The following CLOCK variants were observed in gnomAD, a reference collection of about 807,000 sequenced individuals.
The protein encoded by CLOCK is circadian locomoter output cycles protein kaput.
Under a neutral mutation model 118.4 loss-of-function variants are expected in CLOCK, and 43 were observed. That is an observed-to-expected ratio of 0.36 (90% CI 0.28 to 0.47). The LOEUF (loss-of-function observed/expected upper bound fraction) is 0.47. CLOCK is among the 20% of genes least tolerant of loss of function. CLOCK has a pLI of 1.00. For missense variants in CLOCK, 846 were observed against 999.9 expected (o/e 0.85, Z 2.08); for synonymous variants, 326 against 339.2 (o/e 0.96, Z 0.43).
intron 6 of CLOCK, among the ~76,000 whole-genome samples, chr4:55,477,541 T>C (rs886959311): frequency 6.6e-6 from 1 of 151,882 alleles, no homozygotes; most frequent in Non-Finnish European, 1.5e-5. Context: ...GGTATAAAAA[T>C]GAAAAAAGGC....
At chr4:55,494,063 C>T (rs190165042) in intron 2 of CLOCK, among the ~76,000 whole-genome samples, 8 of 152,314 alleles carry the variant, frequency 5.3e-5, no homozygotes, top group African/African-American at 1.9e-4. Context: ...ATCTTGCCCA[C>T]AGAGTATAGG....
At chr4:55,478,140 G>GT (rs11442786) in intron 6 of CLOCK, among the ~76,000 whole-genome samples, 51,243 of 151,390 alleles carry the variant, frequency 0.34, 9,351 homozygotes, top group East Asian at 0.58. Context: ...CCTTTTACAG[G>GT]TTTTTTTTAA....
At chr4:55,483,474 T>C (rs1191640065) in intron 3 of CLOCK, among the ~76,000 whole-genome samples, 1 of 152,204 alleles carries the variant, frequency 6.6e-6, no homozygotes, top group Non-Finnish European at 1.5e-5. Context: ...ATCACCATCC[T>C]CTGAGAGCTT....
chr4:55,448,594 A>C (rs4864991), intron 18 of CLOCK, among the ~76,000 whole-genome samples, 185 bp downstream of exon 18: 1 of 81,342 alleles, frequency 1.2e-5, no homozygotes, highest in African/African-American at 4.5e-5. Context: ...GCGCGCGCGC[A>C]CGCGCGCGTG....
chr4:55,463,729 G>A lies in CLOCK; in HGVS notation c.515C>T (p.Thr172Ile), dbSNP rs1725531499. 6.2e-7 allele frequency: 1 copy of A among 1,612,732 alleles called. No homozygotes were observed. Among genetic ancestry groups the A allele is most frequent in the Non-Finnish European group, 8.5e-7 (1 of 1,179,056 alleles). The change falls in exon 9 of 23, where the codon ACT (threonine) becomes ATT (isoleucine). Residue 172 changes from threonine (T) to isoleucine (I), a missense_variant. Around this residue, in one of 4 missense-constraint regions of CLOCK, gnomAD observed 246 missense variants for 300.2 expected, o/e 0.82. Coordinates refer to ENST00000513440, the MANE Select transcript of CLOCK (RefSeq NM_004898.4). Reference sequence around the variant, plus strand: ...TAATGAATCACTTTCCAGCAGATGAGTAGAGAGTATTTTATAAACCTCTGA... The same window carrying A: ...TAATGAATCACTTTCCAGCAGATGAATAGAGAGTATTTTATAAACCTCTGA... ...EHSEVYKILSTHLLESDSLTP... is the reference protein window; with the variant it reads ...EHSEVYKILSIHLLESDSLTP...
At chr4:55,490,661 G>T (rs936762399) in intron 2 of CLOCK, among the ~76,000 whole-genome samples, 2 of 152,084 alleles carry the variant, frequency 1.3e-5, no homozygotes, top group Non-Finnish European at 2.9e-5. Context: ...ATCATCTCTA[G>T]ATTACTTATA....
At chr4:55,502,726 G>C (rs1195725672) in intron 2 of CLOCK, among the ~76,000 whole-genome samples, 1 of 152,104 alleles carries the variant, frequency 6.6e-6, no homozygotes, top group Non-Finnish European at 1.5e-5. Flanking sequence ...TACACTACTA[G>C]AGTGAAGAAG....
Position 55,453,694 on chromosome 4 carries a change from A to T in CLOCK, c.1113T>A (p.Cys371Ter). 1 of 1,610,728 alleles carries T rather than the reference A, an allele frequency of 6.2e-7. No individual in the cohort carries two copies. Among genetic ancestry groups the T allele is most frequent in the Non-Finnish European group, 8.5e-7 (1 of 1,177,618 alleles). ...QWNSRPEFIV[C>*]THTVVSYAEV... ...ATTATTACCTTACTACAGTGTGAGT[A>T]CAAACAATAAACTCTGGCCTTGAAT... is the stretch of plus-strand genomic sequence containing the variant. The change falls in exon 14 of 23, where the codon TGT becomes TGA. Residue 371 changes from cysteine to a stop codon, truncating the protein, a stop_gained. Transcript: ENST00000513440. LOFTEE classifies it high-confidence loss of function.
At chr4:55,453,179 A>C in intron 14 of CLOCK, 50 bp from the exon 15 acceptor site, 1 of 1,398,300 alleles carries the variant, frequency 7.2e-7, no homozygotes, top group South Asian at 1.2e-5. Flanking sequence ...ATTCGTTTAA[A>C]ATACTGCACA....
Position 55,475,376 on chromosome 4 carries a change from A to T in CLOCK, c.348+587T>A, listed in dbSNP as rs368826820. The stretch of plus-strand genomic sequence containing the variant: ...TTGAGATCGACTCTACTCCTGAAGA[A>T]GATGTGAATACTGTTGACATGACAG... On this transcript the variant is annotated intron_variant, in intron 7 of 22. Coordinates refer to ENST00000513440, the MANE Select transcript of CLOCK (RefSeq NM_004898.4). Among the ~76,000 whole-genome samples, 66 of 152,336 alleles carry T rather than the reference A, an allele frequency of 4.3e-4. 1 individual carries two copies. In the South Asian group the frequency reaches 0.012, roughly 27 times the overall value.
At chr4:55,474,088 A>G (rs2109870081) in intron 7 of CLOCK, among the ~76,000 whole-genome samples, 1 of 152,354 alleles carries the variant, frequency 6.6e-6, no homozygotes, top group East Asian at 1.9e-4. Flanking sequence ...TCGAAAACTG[A>G]GACAGGCCAA....
Position 55,445,582 on chromosome 4 carries a change from CTTTTTT to C in CLOCK, c.1540-803_1540-798del, listed in dbSNP as rs56157186. On this transcript the variant is annotated intron_variant, in intron 18 of 22. Coordinates refer to ENST00000513440, the MANE Select transcript of CLOCK (RefSeq NM_004898.4). ...TCTCTGCATCTGCTATTTCTATATT[CTTTTTT>C]TTTTTTTTTTTTTTTTTTTTGAGAC... Among the ~76,000 whole-genome samples, 28 of 68,592 alleles carry C rather than the reference CTTTTTT, an allele frequency of 4.1e-4. No homozygotes were observed. In the South Asian group the frequency reaches 5.6e-3, roughly 14 times the overall value. The allele number at this position is 68,592 out of a possible 152,430, so 45.0% of individuals were successfully genotyped here. A position where few individuals can be genotyped will look rare whatever the true frequency, so the allele number is the denominator to read the frequency against.
intron 1 of CLOCK, among the ~76,000 whole-genome samples, chr4:55,525,824 A>G (rs1730145088): frequency 6.6e-6 from 1 of 151,884 alleles, no homozygotes; most frequent in Non-Finnish European, 1.5e-5. Context: ...AAGGCCTTTA[A>G]GAAAAAATGA....
chr4:55,471,990 G>A (rs1726173849), intron 7 of CLOCK, among the ~76,000 whole-genome samples: 1 of 152,080 alleles, frequency 6.6e-6, no homozygotes. Context: ...GAGATCACTT[G>A]AGCCCAGGAA....
intron 2 of CLOCK, among the ~76,000 whole-genome samples, chr4:55,507,998 T>A (rs1164834692): frequency 6.6e-6 from 1 of 152,126 alleles, no homozygotes; most frequent in African/African-American, 2.4e-5. Flanking sequence ...GAGTGGTAAA[T>A]GTGCCCCGAG....
At chr4:55,525,643 T>C (rs11722277) in intron 1 of CLOCK, among the ~76,000 whole-genome samples, 5,123 of 152,254 alleles carry the variant, frequency 0.034, 102 homozygotes, top group Non-Finnish European at 0.054. Flanking sequence ...TAATTTTTTG[T>C]ATTTTTAGTA....
At chr4:55,483,093 T>A (rs1054802088) in intron 3 of CLOCK, among the ~76,000 whole-genome samples, 4 of 152,180 alleles carry the variant, frequency 2.6e-5, no homozygotes, top group Admixed American at 2.0e-4. Flanking sequence ...AAAATGGACA[T>A]TCTCAATATT....
chr4:55,450,361 T>TA lies in CLOCK; in HGVS notation c.1207-130dup, dbSNP rs373182730. On this transcript the variant is annotated intron_variant, in intron 15 of 22. Coordinates refer to ENST00000513440, the MANE Select transcript of CLOCK (RefSeq NM_004898.4). ...CAAGGCAAAAGTACCTGTATGTACATACACATGTAAAGAAATGAAAATTTA... is the reference window on the plus strand; with the variant it reads ...CAAGGCAAAAGTACCTGTATGTACATAACACATGTAAAGAAATGAAAATTTA... 24 of 989,690 alleles carry TA rather than the reference T, an allele frequency of 2.4e-5. No individual in the cohort carries two copies. In the African/African-American group the frequency reaches 3.4e-4, roughly 14 times the overall value. The allele number at this position is 989,690 out of a possible 1,614,324, so 61.3% of individuals were successfully genotyped here.
In CLOCK at chr4:55,459,455, A is replaced by G. The variant is rs77265584; in HGVS notation, c.560-194T>C. ...ATCTCACTTTGTCTTTAATAGAAAA[A>G]ATAGATTTTCTGGTGCAAACAACTT... On this transcript the variant is annotated intron_variant, in intron 9 of 22. Transcript: ENST00000513440. Among the ~76,000 whole-genome samples, 225 of 152,308 alleles carry G rather than the reference A, an allele frequency of 1.5e-3. 3 individuals are homozygous for G. In the East Asian group the frequency reaches 0.04, roughly 27 times the overall value.
Sources: allele counts gnomAD v4.1 joint callset (sites outside exome capture counted in the v4.1 genomes callset), GRCh38; gene constraint gnomAD v4.1.1; regional missense constraint gnomAD v4.1.1; transcripts MANE v1.5; gene names NCBI Gene and HGNC (gene_info 2026-07-23, HGNC 2026-07-21).